Variants in STK32B observed in about 807,000 individuals in gnomAD.
The protein encoded by STK32B is serine/threonine-protein kinase 32B.
A neutral mutation model predicts 52.6 loss-of-function variants in STK32B; 43 were observed. That is an observed-to-expected ratio of 0.82 (90% CI 0.64 to 1.05). The LOEUF (loss-of-function observed/expected upper bound fraction) is 1.05. Among genes scored for constraint, STK32B ranks in the 50% least tolerant of loss-of-function variants. STK32B has a pLI of 0.00. For synonymous variants in STK32B, 238 were observed against 204.3 expected, an observed-to-expected ratio of 1.17 and a Z score of -1.41; for missense variants, 621 against 534.6, an observed-to-expected ratio of 1.16 and a Z score of -1.59.
chr4:5,057,853 A>T (rs994077965), intron 1 of STK32B, among the ~76,000 whole-genome samples: 1 of 152,242 alleles, frequency 6.6e-6, no homozygotes, highest in Non-Finnish European at 1.5e-5. Flanking sequence ...GAGGGTCCTA[A>T]CACCCTAAAG....
At chr4:5,359,244 C>T (rs1349573305) in intron 4 of STK32B, among the ~76,000 whole-genome samples, 1 of 152,130 alleles carries the variant, frequency 6.6e-6, no homozygotes, top group African/African-American at 2.4e-5. Flanking sequence ...ATGGAACTTG[C>T]TGTTCTATTC....
intron 4 of STK32B, among the ~76,000 whole-genome samples, chr4:5,382,422 C>G (rs988881597): frequency 6.6e-6 from 1 of 152,064 alleles, no homozygotes; most frequent in African/African-American, 2.4e-5. Context: ...ATAATACAGC[C>G]ACAATGTCGC....
Position 5,278,660 on chromosome 4 carries a change from G to T in STK32B, c.261-52560G>T, listed in dbSNP as rs905512. 9.1e-3 allele frequency among the ~76,000 whole-genome samples: 1,393 copies of T among 152,244 alleles called. 50 individuals carry two copies. The East Asian group carries it at 0.11, about 12-fold the overall frequency. ...AATCTATATTACCAATATTGTTACAGAGAGTTATGGTATTAGTCCCTTCTA... is the reference window on the plus strand; with the variant it reads ...AATCTATATTACCAATATTGTTACATAGAGTTATGGTATTAGTCCCTTCTA... On this transcript the variant is annotated intron_variant, in intron 3 of 11. Transcript: ENST00000282908.
rs533263656 is a variant in STK32B at position 5,088,985 on chromosome 4, A to G, written c.52+37070A>G. Among the ~76,000 whole-genome samples the G allele has an allele frequency of 6.7e-3, 1,018 of 152,020 alleles. 7 individuals carry two copies. The highest frequency in any genetic ancestry group is 0.015 in the Admixed American group (231 of 15,256). On this transcript the variant is annotated intron_variant, in intron 1 of 11. Transcript: ENST00000282908. The stretch of plus-strand genomic sequence containing the variant: ...GGAACTAGAGAAGGTTAAAACATTG[A>G]GACAATCAAAAAAGCCAAAAATTTG...
At chr4:5,104,222 G>A (rs1713978683) in intron 1 of STK32B, among the ~76,000 whole-genome samples, 1 of 152,154 alleles carries the variant, frequency 6.6e-6, no homozygotes, top group African/African-American at 2.4e-5. Flanking sequence ...TCTCATGATA[G>A]TGAGTAAGTC....
At chr4:5,316,232 CAAT>C (rs1730697716) in intron 3 of STK32B, among the ~76,000 whole-genome samples, 1 of 49,352 alleles carries the variant, frequency 2.0e-5, no homozygotes, top group Admixed American at 3.1e-4. Flanking sequence ...ATTATATATA[CAAT>C]ATTATATATT....
At chr4:5,482,238 G>C (rs972003796) in intron 11 of STK32B, among the ~76,000 whole-genome samples, 3 of 152,130 alleles carry the variant, frequency 2.0e-5, no homozygotes, top group East Asian at 1.9e-4. Context: ...TCTTCCATTT[G>C]TTTGTATCCT....
At chr4:5,494,873 TTC>T (rs1282640285) in intron 11 of STK32B, among the ~76,000 whole-genome samples, 2 of 152,170 alleles carry the variant, frequency 1.3e-5, no homozygotes, top group Non-Finnish European at 2.9e-5. Context: ...GGGTTGAAAA[TTC>T]TTTTCTTTAA....
intron 2 of STK32B, among the ~76,000 whole-genome samples, chr4:5,159,093 A>C (rs1339297004): frequency 1.3e-5 from 2 of 152,180 alleles, no homozygotes; most frequent in African/African-American, 4.8e-5. Flanking sequence ...GCTAGAACTC[A>C]CTGACAAGCG....
chr4:5,382,176 C>T (rs1331517887), intron 4 of STK32B, among the ~76,000 whole-genome samples: 1 of 152,142 alleles, frequency 6.6e-6, no homozygotes, highest in African/African-American at 2.4e-5. Context: ...AAAAATACTC[C>T]CACTGAAACA....
At chr4:5,178,063 G>A (rs1720063817) in intron 3 of STK32B, among the ~76,000 whole-genome samples, 1 of 152,202 alleles carries the variant, frequency 6.6e-6, no homozygotes, top group African/African-American at 2.4e-5. Context: ...ACTCTGTGTG[G>A]GGGCTCTGCT....
intron 4 of STK32B, among the ~76,000 whole-genome samples, chr4:5,335,375 T>C (rs200913581): frequency 3.3e-5 from 5 of 152,200 alleles, no homozygotes; most frequent in Non-Finnish European, 2.9e-5. Context: ...TCTTTTTTTC[T>C]TTATTAGTCT....
intron 4 of STK32B, among the ~76,000 whole-genome samples, chr4:5,341,560 G>A (rs16837040): frequency 6.6e-6 from 1 of 152,040 alleles, no homozygotes; most frequent in Non-Finnish European, 1.5e-5. Context: ...TGATTTCGTC[G>A]GTAACTTACT....
intron 11 of STK32B, among the ~76,000 whole-genome samples, chr4:5,491,600 A>G (rs1245140938): frequency 6.6e-6 from 1 of 151,878 alleles, no homozygotes; most frequent in East Asian, 1.9e-4. Flanking sequence ...CCATTTGTCA[A>G]TTTTGGCTTT....
Position 5,499,177 on chromosome 4 carries a change from C to T in STK32B, c.*94C>T. 1 of 1,431,776 alleles carries T rather than the reference C, an allele frequency of 7.0e-7. No individual in the cohort carries two copies. The highest frequency in any genetic ancestry group is 9.2e-7 in the Non-Finnish European group (1 of 1,082,056). The allele number at this position is 1,431,776 out of a possible 1,614,324, so 88.7% of individuals were successfully genotyped here. On this transcript the variant is annotated 3_prime_UTR_variant, in exon 12 of 12. Coordinates refer to ENST00000282908, the MANE Select transcript of STK32B (RefSeq NM_018401.3). ...TGCCCTGATGGTCCCTGTCTCACCC[C>T]TGAAAACATCAGATGCAGAAAAAGC... is the stretch of plus-strand genomic sequence containing the variant.
In STK32B at chr4:5,399,662, C is replaced by T. The variant is rs1737161838; in HGVS notation, c.472+1418C>T. Among the ~76,000 whole-genome samples the T allele has an allele frequency of 6.6e-6, 1 of 152,136 alleles. No homozygotes were observed. The highest frequency in any genetic ancestry group is 1.5e-5 in the Non-Finnish European group (1 of 68,014). On this transcript the variant is annotated intron_variant, in intron 5 of 11. Transcript: ENST00000282908. The surrounding 1 kb of genome is among the most constrained non-coding windows in gnomAD (Gnocchi z 5.4). ...CTTCAGATGTGGCACTCAGCTGAGCCCCCAGCCAGCTGAATGTCCTTGGGC... is the reference window on the plus strand; with the variant it reads ...CTTCAGATGTGGCACTCAGCTGAGCTCCCAGCCAGCTGAATGTCCTTGGGC...
intron 1 of STK32B, among the ~76,000 whole-genome samples, chr4:5,067,453 C>G (rs2108763947): frequency 6.6e-6 from 1 of 152,218 alleles, no homozygotes; most frequent in African/African-American, 2.4e-5. Context: ...AAGTGTCTAT[C>G]ATTATAGCTG....
At chr4:5,048,421 C>T (rs187316734), upstream of STK32B, among the ~76,000 whole-genome samples, 128 of 152,018 alleles carry the variant, frequency 8.4e-4, no homozygotes, top group African/African-American at 2.8e-3. Context: ...CTCAGCCTCC[C>T]GAGTAGCTGA....
chr4:5,153,488 A>G (rs1261680887), intron 2 of STK32B, among the ~76,000 whole-genome samples: 3 of 149,766 alleles, frequency 2.0e-5, no homozygotes, highest in Admixed American at 6.6e-5. Flanking sequence ...TTAATTTGGT[A>G]AACTTCAACA....
Sources: allele counts gnomAD v4.1 joint callset (sites outside exome capture counted in the v4.1 genomes callset), GRCh38; gene constraint gnomAD v4.1.1; non-coding constraint Gnocchi (gnomAD v3.1); transcripts MANE v1.5; gene names NCBI Gene and HGNC (gene_info 2026-07-23, HGNC 2026-07-21).